FNIP2: variants seen among roughly 807,000 people sequenced by gnomAD.
FNIP2 encodes the protein folliculin-interacting protein 2.
Under a neutral mutation model 108.7 loss-of-function variants are expected in FNIP2, and 32 were observed. That is an observed-to-expected ratio of 0.29 (90% CI 0.22 to 0.40). FNIP2 has a LOEUF of 0.40. Ranked by LOEUF, FNIP2 falls within the 10% of genes least tolerant of loss-of-function variation. The pLI, the probability that FNIP2 is intolerant of heterozygous loss-of-function variation, is 1.00. For missense variants in FNIP2, 1,202 were observed against 1,381.6 expected, an observed-to-expected ratio of 0.87 and a Z score of 2.06; for synonymous variants, 480 against 496.7, an observed-to-expected ratio of 0.97 and a Z score of 0.45.
intron 1 of FNIP2, among the ~76,000 whole-genome samples, chr4:158,792,550 G>C (rs985197046): frequency 1.3e-5 from 2 of 152,138 alleles, no homozygotes; most frequent in African/African-American, 2.4e-5. Context: ...TGAGTTCAGC[G>C]TTAATGAAGC....
Position 158,817,418 on chromosome 4 carries a change from G to A in FNIP2, c.108-8498G>A, listed in dbSNP as rs1019676743. Among the ~76,000 whole-genome samples the A allele has an allele frequency of 2.6e-5, 4 of 152,172 alleles. No homozygotes were observed. In the South Asian group the frequency reaches 6.2e-4, roughly 24 times the overall value. ...ATTCATTAAGATTGCTTTCCTTTTC[G>A]TACCTGGCTGAGATCATCTATTCTA... On this transcript the variant is annotated intron_variant, in intron 1 of 16. Coordinates refer to ENST00000264433, the MANE Select transcript of FNIP2 (RefSeq NM_020840.3).
intron 1 of FNIP2, among the ~76,000 whole-genome samples, chr4:158,807,116 T>C (rs1296793425): frequency 2.6e-5 from 4 of 152,176 alleles, no homozygotes; most frequent in Non-Finnish European, 5.9e-5. Flanking sequence ...CAAAAAACTG[T>C]TTTGAGAATT....
At chr4:158,823,840 A>G (rs1299223484) in intron 1 of FNIP2, among the ~76,000 whole-genome samples, 5 of 152,186 alleles carry the variant, frequency 3.3e-5, no homozygotes, top group African/African-American at 1.2e-4. Flanking sequence ...TCATGTGGCC[A>G]TGTCTCATTA....
chr4:158,806,929 C>A (rs1419373590), intron 1 of FNIP2, among the ~76,000 whole-genome samples: 1 of 152,076 alleles, frequency 6.6e-6, no homozygotes, highest in East Asian at 1.9e-4. Flanking sequence ...ATGTTATGAA[C>A]AGCAAATTTT....
At chr4:158,881,983 C>T (rs191113663) in intron 14 of FNIP2, among the ~76,000 whole-genome samples, 1,651 of 150,066 alleles carry the variant, frequency 0.011, 16 homozygotes, top group Non-Finnish European at 0.017. Flanking sequence ...TCTTCCCGGC[C>T]GCCATCCAGT....
chr4:158,829,291 G>A (rs368784217), intron 3 of FNIP2, 66 bp downstream of exon 3: 5 of 1,388,794 alleles, frequency 3.6e-6, no homozygotes, highest in Non-Finnish European at 9.7e-7. Context: ...TTTCTCCTTG[G>A]GAAATAATGC....
rs1341789055 is a variant in FNIP2 at position 158,783,459 on chromosome 4, C to G, written c.107+14140C>G. 3.3e-5 allele frequency among the ~76,000 whole-genome samples: 5 copies of G among 152,218 alleles called. No individual in the cohort carries two copies. The East Asian group carries it at 9.6e-4, about 29-fold the overall frequency. ...TCAAGGAGAAAATAATTGGGTCTCT[C>G]TTCTTTAATTCAAATTCCAAAGTAT... On this transcript the variant is annotated intron_variant, in intron 1 of 16. Transcript: ENST00000264433.
chr4:158,897,720 T>C (rs1560843491), intron 16 of FNIP2, among the ~76,000 whole-genome samples: 1 of 152,258 alleles, frequency 6.6e-6, no homozygotes, highest in Non-Finnish European at 1.5e-5. Context: ...TTAAGTTCTT[T>C]GTAGATTCTG....
intron 14 of FNIP2, among the ~76,000 whole-genome samples, chr4:158,883,293 G>C (rs571053509): frequency 6.6e-6 from 1 of 152,060 alleles, no homozygotes; most frequent in Non-Finnish European, 1.5e-5. Flanking sequence ...CCAGGCTGGA[G>C]TGCAGTGGCG....
Position 158,875,534 on chromosome 4 carries a change from A to ATATATATATG in FNIP2, c.2949+5072_2949+5073insATGTATATAT, listed in dbSNP as rs1414210099. Among the ~76,000 whole-genome samples the ATATATATATG allele has an allele frequency of 1.9e-5, 2 of 105,256 alleles. 1 individual carries two copies. Among genetic ancestry groups the ATATATATATG allele is most frequent in the African/African-American group, 6.5e-5 (2 of 30,794 alleles). The allele number at this position is 105,256 out of a possible 152,430, so 69.1% of individuals were successfully genotyped here. A position where few individuals can be genotyped will look rare whatever the true frequency, so the allele number is the denominator to read the frequency against. On this transcript the variant is annotated intron_variant, in intron 14 of 16. Transcript: ENST00000264433. ...GGCTGTGATATATATATATATATAT[A>ATATATATATG]TATATATGCTCATGAATACCTAATT...
At chr4:158,854,019 A>G (rs1229831000) in intron 8 of FNIP2, among the ~76,000 whole-genome samples, 1 of 152,194 alleles carries the variant, frequency 6.6e-6, no homozygotes, top group Non-Finnish European at 1.5e-5. Flanking sequence ...TCATATGAAA[A>G]CAGTGTATTT....
At chr4:158,774,917 A>G (rs1429465347) in intron 1 of FNIP2, among the ~76,000 whole-genome samples, 2 of 152,228 alleles carry the variant, frequency 1.3e-5, no homozygotes, top group East Asian at 3.8e-4. Flanking sequence ...ATTATGCATT[A>G]TTATTTGATT....
chr4:158,904,861 T>A lies in FNIP2; in HGVS notation c.*317T>A. Reference sequence around the variant, plus strand: ...GCTGTTGCAACAGATTGCCTTGTGCTGTTTGGGCAGAATAAAGACAAGTGA... The same window carrying A: ...GCTGTTGCAACAGATTGCCTTGTGCAGTTTGGGCAGAATAAAGACAAGTGA... On this transcript the variant is annotated 3_prime_UTR_variant, in exon 17 of 17. Transcript: ENST00000264433. 1 of 275,526 alleles carries A rather than the reference T, an allele frequency of 3.6e-6. No homozygotes were observed. The highest frequency in any genetic ancestry group is 7.1e-6 in the Non-Finnish European group (1 of 141,664). The allele number at this position is 275,526 out of a possible 1,614,324, so 17.1% of individuals were successfully genotyped here.
At chr4:158,861,210 G>C in intron 10 of FNIP2, 132 bp from the exon 11 acceptor site, 1 of 1,099,832 alleles carries the variant, frequency 9.1e-7, no homozygotes, top group Non-Finnish European at 1.3e-6. Flanking sequence ...TGCAACCCCT[G>C]TTATGTGTGG....
chr4:158,837,279 T>C (rs1778863650), intron 7 of FNIP2, among the ~76,000 whole-genome samples: 1 of 152,220 alleles, frequency 6.6e-6, no homozygotes, highest in South Asian at 2.1e-4. Flanking sequence ...CTCTGTGTGG[T>C]GGGAGCTCTT....
chr4:158,886,436 A>G (rs1782028381), intron 14 of FNIP2, among the ~76,000 whole-genome samples: 1 of 152,298 alleles, frequency 6.6e-6, no homozygotes, highest in East Asian at 1.9e-4. Flanking sequence ...TGTGGGAGGC[A>G]TGTAACCTGC....
At chr4:158,823,806 G>C (rs1489276931) in intron 1 of FNIP2, among the ~76,000 whole-genome samples, 1 of 152,162 alleles carries the variant, frequency 6.6e-6, no homozygotes, top group South Asian at 2.1e-4. Context: ...GAGTTTTGGG[G>C]CTGGCTCACA....
intron 1 of FNIP2, among the ~76,000 whole-genome samples, chr4:158,810,167 AG>A (rs1777194002): frequency 6.6e-6 from 1 of 152,250 alleles, no homozygotes; most frequent in Admixed American, 6.5e-5. Flanking sequence ...GCAGGTTTGT[AG>A]GAATGGAAAG....
chr4:158,817,540 TC>T (rs1777643632), intron 1 of FNIP2, among the ~76,000 whole-genome samples: 1 of 152,070 alleles, frequency 6.6e-6, no homozygotes. Context: ...CCACCCCATT[TC>T]CCATTTTTTC....
Sources: allele counts gnomAD v4.1 joint callset (sites outside exome capture counted in the v4.1 genomes callset), GRCh38; gene constraint gnomAD v4.1.1; transcripts MANE v1.5; gene names NCBI Gene and HGNC (gene_info 2026-07-23, HGNC 2026-07-21).